ARHGAP18: variants seen among roughly 807,000 people sequenced by gnomAD.
ARHGAP18 encodes rho GTPase-activating protein 18.
ARHGAP18 carries 67 observed loss-of-function variants against 86.2 expected under a neutral mutation model. The ratio of observed to expected loss-of-function variants is 0.78; its 90% CI spans 0.64 to 0.95. ARHGAP18 has a LOEUF of 0.95. ARHGAP18 is among the 40% of genes least tolerant of loss of function. ARHGAP18 has a pLI of 0.00. For synonymous variants in ARHGAP18, 283 were observed against 280.4 expected (o/e 1.01, Z -0.09); for missense variants, 691 against 780.4 (o/e 0.89, Z 1.37).
At chr6:129,612,293 C>G (rs970619167) in intron 7 of ARHGAP18, among the ~76,000 whole-genome samples, 1 of 152,176 alleles carries the variant, frequency 6.6e-6, no homozygotes, top group African/African-American at 2.4e-5. Flanking sequence ...TTCTTGATAA[C>G]GTGATCTTCT....
At chr6:129,694,277 C>T (rs1040113515) in intron 1 of ARHGAP18, among the ~76,000 whole-genome samples, 1 of 152,192 alleles carries the variant, frequency 6.6e-6, no homozygotes, top group African/African-American at 2.4e-5. Flanking sequence ...AAGACCCTGA[C>T]AACAAATTGC....
intron 1 of ARHGAP18, among the ~76,000 whole-genome samples, chr6:129,672,522 C>T (rs977430150): frequency 2.0e-5 from 3 of 151,520 alleles, no homozygotes; most frequent in Admixed American, 1.3e-4. Context: ...AGAAGTGTGA[C>T]GTATATTAAG....
chr6:129,704,281 C>G (rs1390669116), intron 1 of ARHGAP18, among the ~76,000 whole-genome samples: 1 of 151,964 alleles, frequency 6.6e-6, no homozygotes, highest in Non-Finnish European at 1.5e-5. Context: ...CCCATCTTCA[C>G]TAAATATACA....
At chr6:129,612,466 T>C (rs1788999790) in intron 7 of ARHGAP18, among the ~76,000 whole-genome samples, 1 of 152,230 alleles carries the variant, frequency 6.6e-6, no homozygotes, top group African/African-American at 2.4e-5. Context: ...CCTTCCCTGC[T>C]TTATAAAAGA....
rs1584128448 is a variant in ARHGAP18, at chr6:129,709,952, C to CA, written c.113+71dup. ...AGATGGAATTCCCTTCTCCCCACGC[C>CA]AACTTCCCTGTCACTTTCTTCCTGG... On this transcript the variant is annotated intron_variant, in intron 1 of 14. Coordinates refer to ENST00000368149, the MANE Select transcript of ARHGAP18 (RefSeq NM_033515.3). 9 of 1,277,190 alleles carry CA rather than the reference C, an allele frequency of 7.0e-6. No individual in the cohort carries two copies. In the East Asian group the frequency reaches 2.1e-4, roughly 30 times the overall value. The allele number at this position is 1,277,190 out of a possible 1,614,324, so 79.1% of individuals were successfully genotyped here.
intron 1 of ARHGAP18, among the ~76,000 whole-genome samples, chr6:129,697,629 T>C (rs910099553): frequency 2.0e-5 from 3 of 152,226 alleles, no homozygotes; most frequent in South Asian, 2.1e-4. Context: ...GGATTAATAA[T>C]GCACTTATAC....
intron 1 of ARHGAP18, among the ~76,000 whole-genome samples, chr6:129,645,135 C>T (rs990456790): frequency 2.6e-5 from 4 of 152,078 alleles, no homozygotes; most frequent in African/African-American, 7.2e-5. Flanking sequence ...CAACCTGCCA[C>T]GTATTTTTTA....
At chr6:129,586,967 C>T (rs886513037) in intron 12 of ARHGAP18, among the ~76,000 whole-genome samples, 5 of 152,116 alleles carry the variant, frequency 3.3e-5, no homozygotes, top group Non-Finnish European at 4.4e-5. Context: ...CTCTTCATTC[C>T]GCTGACTCTC....
chr6:129,661,915 A>G (rs1773960578), intron 1 of ARHGAP18: 1 of 985,166 alleles, frequency 1.0e-6, no homozygotes, highest in Non-Finnish European at 1.2e-6. Context: ...AAGTCCACCA[A>G]GCAGTCATCT....
chr6:129,583,018 T>C (rs886484451), intron 13 of ARHGAP18, among the ~76,000 whole-genome samples: 1 of 152,320 alleles, frequency 6.6e-6, no homozygotes, highest in South Asian at 2.1e-4. Context: ...TATATGTTTA[T>C]ACCTCCCCTT....
At chr6:129,707,462 T>C (rs532182544) in intron 1 of ARHGAP18, among the ~76,000 whole-genome samples, 120 of 152,020 alleles carry the variant, frequency 7.9e-4, no homozygotes, top group African/African-American at 2.8e-3. Flanking sequence ...TTAGCTTTTA[T>C]TTTTTATTTA....
chr6:129,603,597 C>A (rs1455234383), intron 10 of ARHGAP18, among the ~76,000 whole-genome samples: 1 of 152,082 alleles, frequency 6.6e-6, no homozygotes, highest in Non-Finnish European at 1.5e-5. Flanking sequence ...AATGGGAGTA[C>A]TTATCTCTCA....
At chr6:129,584,716 T>C (rs939551499) in intron 12 of ARHGAP18, among the ~76,000 whole-genome samples, 9 of 152,336 alleles carry the variant, frequency 5.9e-5, no homozygotes, top group African/African-American at 2.2e-4. Flanking sequence ...TGAAAGTTTA[T>C]GAGGTTTGTA....
At chr6:129,681,159 C>A (rs1215409398) in intron 1 of ARHGAP18, among the ~76,000 whole-genome samples, 5 of 152,142 alleles carry the variant, frequency 3.3e-5, no homozygotes, top group Admixed American at 6.5e-5. Context: ...CTCACTGTAA[C>A]CTCCACCTCC....
At chr6:129,601,167 G>A (rs555485376) in intron 10 of ARHGAP18, among the ~76,000 whole-genome samples, 1 of 152,302 alleles carries the variant, frequency 6.6e-6, no homozygotes, top group Admixed American at 6.5e-5. Context: ...GAAAAGTAAT[G>A]TAAAACATCA....
chr6:129,695,597 T>C (rs1352070052), intron 1 of ARHGAP18, among the ~76,000 whole-genome samples: 1 of 152,158 alleles, frequency 6.6e-6, no homozygotes, highest in African/African-American at 2.4e-5. Context: ...GATGACACAA[T>C]TTTCAATCTA....
Position 129,691,334 on chromosome 6 carries a change from CG to C in ARHGAP18, c.113+18689del, listed in dbSNP as rs537238787. Among the ~76,000 whole-genome samples, 180 of 152,228 alleles carry C rather than the reference CG, an allele frequency of 1.2e-3. 1 individual carries two copies. Among genetic ancestry groups the C allele is most frequent in the African/African-American group, 3.7e-3 (152 of 41,532 alleles). ...CTTACAGAAAAAGAAAACTAGTACTCGGGGGTGGGAAAATATTGAATCATGC... is the reference window on the plus strand; with the variant it reads ...CTTACAGAAAAAGAAAACTAGTACTCGGGGTGGGAAAATATTGAATCATGC... On this transcript the variant is annotated intron_variant, in intron 1 of 14. Transcript: ENST00000368149.
chr6:129,661,244 T>C (rs1773944277), intron 1 of ARHGAP18, among the ~76,000 whole-genome samples: 1 of 143,732 alleles, frequency 7.0e-6, no homozygotes, highest in Non-Finnish European at 1.5e-5. Flanking sequence ...TCCTAGCTTC[T>C]GGGGAAGCTG....
chr6:129,685,616 A>G lies in ARHGAP18; in HGVS notation c.113+24408T>C, dbSNP rs1774410381. On this transcript the variant is annotated intron_variant, in intron 1 of 14. Transcript: ENST00000368149. ...TACTGTATAAAGGTTATTGTTACAT[A>G]TTTTTCATTAAAAAGAGATGTCAAA... Among the ~76,000 whole-genome samples the G allele has an allele frequency of 2.6e-5, 4 of 152,212 alleles. 1 individual carries two copies. The South Asian group carries it at 8.3e-4, about 32-fold the overall frequency.
Sources: gnomAD v4.1 joint callset for allele counts (sites outside exome capture counted in the v4.1 genomes callset) on GRCh38, gnomAD v4.1.1 for gene constraint, MANE v1.5 for transcripts, NCBI Gene and HGNC (gene_info 2026-07-23, HGNC 2026-07-21) for gene names.